Variants in CKMT2 observed in about 807,000 individuals in gnomAD.
CKMT2 encodes creatine kinase S-type, mitochondrial.
A neutral mutation model predicts 48.9 loss-of-function variants in CKMT2; 43 were observed. That is an observed-to-expected ratio of 0.88 (90% CI 0.69 to 1.13). CKMT2 has a LOEUF of 1.13. CKMT2 is among the 50% of genes most tolerant of loss of function. CKMT2 has a pLI of 0.00. For missense variants in CKMT2, 472 were observed against 555.4 expected, an observed-to-expected ratio of 0.85 and a Z score of 1.51; for synonymous variants, 206 against 213.0, an observed-to-expected ratio of 0.97 and a Z score of 0.29.
rs369470283 is a variant in CKMT2, at chr5:81,266,297, G to A, written c.*39G>A. 1.8e-4 allele frequency: 295 copies of A among 1,599,530 alleles called. No homozygotes were observed. Among genetic ancestry groups the A allele is most frequent in the Non-Finnish European group, 2.4e-4 (285 of 1,168,688 alleles). On this transcript the variant is annotated 3_prime_UTR_variant, in exon 10 of 10. Coordinates refer to ENST00000254035, the MANE Select transcript of CKMT2 (RefSeq NM_001099735.2). ...CAATTTATAAATAATCTGTCTGCTG[G>A]TACGACAGACATAAATCTCTACTCT...
At chr5:81,254,919 A>G in intron 4 of CKMT2, 74 bp from the exon 5 acceptor site, 1 of 1,267,750 alleles carries the variant, frequency 7.9e-7, no homozygotes, top group Non-Finnish European at 1.2e-6. Flanking sequence ...CAGATTGGCG[A>G]TTAGAACCCA....
intron 1 of CKMT2, among the ~76,000 whole-genome samples, chr5:81,240,604 G>A (rs1756402752): frequency 6.6e-6 from 1 of 152,160 alleles, no homozygotes. Flanking sequence ...TATTTGTATG[G>A]TAAACTATTG....
At chr5:81,255,905 AG>A (rs1388245000) in intron 5 of CKMT2, among the ~76,000 whole-genome samples, 1 of 151,898 alleles carries the variant, frequency 6.6e-6, no homozygotes, top group East Asian at 1.9e-4. Flanking sequence ...CAAACCAGAC[AG>A]GCCAACTATA....
intron 1 of CKMT2, among the ~76,000 whole-genome samples, chr5:81,243,159 A>G (rs1430164018): frequency 3.3e-5 from 5 of 152,212 alleles, no homozygotes; most frequent in Admixed American, 3.3e-4. Flanking sequence ...CCTTGGGAAG[A>G]CAATACAAAC....
At chr5:81,241,154 C>T (rs1756421475) in intron 1 of CKMT2, among the ~76,000 whole-genome samples, 1 of 152,278 alleles carries the variant, frequency 6.6e-6, no homozygotes, top group African/African-American at 2.4e-5. Context: ...CCCTTTGATG[C>T]GTGGAATTCC....
At chr5:81,250,508 A>G (rs936095741) in intron 1 of CKMT2, among the ~76,000 whole-genome samples, 1 of 152,190 alleles carries the variant, frequency 6.6e-6, no homozygotes, top group East Asian at 1.9e-4. Context: ...GCCTAAACTG[A>G]ATATAATTTC....
At chr5:81,260,531 C>G (rs1260967100) in intron 8 of CKMT2, among the ~76,000 whole-genome samples, 1 of 152,094 alleles carries the variant, frequency 6.6e-6, no homozygotes, top group Non-Finnish European at 1.5e-5. Context: ...GATAAAGGGG[C>G]TATCACCACT....
At chr5:81,242,201 A>T (rs2277035) in intron 1 of CKMT2, 107,483 of 239,014 alleles carry the variant, frequency 0.45, 25,470 homozygotes, top group African/African-American at 0.59. Context: ...ACCAGAACTG[A>T]GTGTCTCACT....
At chr5:81,259,320 GA>G in intron 8 of CKMT2, 66 bp downstream of exon 8, 1 of 1,426,640 alleles carries the variant, frequency 7.0e-7, no homozygotes. Context: ...CTTTGTGGAG[GA>G]AGAAAACATC....
intron 1 of CKMT2, among the ~76,000 whole-genome samples, chr5:81,245,917 C>T (rs1008191310): frequency 7.2e-5 from 11 of 152,172 alleles, no homozygotes; most frequent in African/African-American, 2.7e-4. Context: ...CAACTGTAGA[C>T]CAGAAATCTC....
rs1756172519 is a variant in CKMT2 at position 81,233,699 on chromosome 5, C to T, written c.-21+322C>T. 2.0e-5 allele frequency among the ~76,000 whole-genome samples: 3 copies of T among 152,130 alleles called. 1 individual carries two copies. The highest frequency in any genetic ancestry group is 7.2e-5 in the African/African-American group (3 of 41,438). On this transcript the variant is annotated intron_variant, in intron 1 of 9. Coordinates refer to ENST00000254035, the MANE Select transcript of CKMT2 (RefSeq NM_001099735.2). ...AAAAAATCTAAAGGCTGTATTTTGACGCTAAGTTTGGGACAACTTTAAACT... is the reference window on the plus strand; with the variant it reads ...AAAAAATCTAAAGGCTGTATTTTGATGCTAAGTTTGGGACAACTTTAAACT...
At chr5:81,263,399 C>T (rs1207528403) in intron 8 of CKMT2, 92 bp from the exon 9 acceptor site, 4 of 649,462 alleles carry the variant, frequency 6.2e-6, no homozygotes, top group African/African-American at 1.9e-5. Flanking sequence ...AAACTGTTAT[C>T]TCTCACTATA....
chr5:81,239,681 G>A (rs1044957910), intron 1 of CKMT2, among the ~76,000 whole-genome samples: 2 of 152,116 alleles, frequency 1.3e-5, no homozygotes, highest in East Asian at 1.9e-4. Context: ...AAACAACATC[G>A]TTGAATGGTC....
chr5:81,235,135 G>A (rs1756209632), intron 1 of CKMT2, among the ~76,000 whole-genome samples: 1 of 152,156 alleles, frequency 6.6e-6, no homozygotes, highest in Non-Finnish European at 1.5e-5. Context: ...TCTGGTAACG[G>A]TCCCATGCCT....
At position 81,233,450 on chromosome 5, in the gene CKMT2, T is replaced by TG. The variant is rs1756165811; in HGVS notation, c.-21+75dup. On this transcript the variant is annotated intron_variant, in intron 1 of 9. Transcript: ENST00000254035. ...TGGCTAGAGCCAGTGTGAAGGGCCT[T>TG]GGAGGAGTGGATGCCGGGCTGTAGA... 5.3e-6 allele frequency: 5 copies of TG among 949,816 alleles called. No individual in the cohort carries two copies. The South Asian group carries it at 2.4e-4, about 46-fold the overall frequency. The allele number at this position is 949,816 out of a possible 1,614,324, so 58.8% of individuals were successfully genotyped here.
chr5:81,235,246 GCCA>G (rs1756211841), intron 1 of CKMT2, among the ~76,000 whole-genome samples: 1 of 152,212 alleles, frequency 6.6e-6, no homozygotes, highest in Admixed American at 6.5e-5. Context: ...GAACAGTAAT[GCCA>G]AGAGTGCCCA....
intron 2 of CKMT2, 25 bp downstream of exon 2, chr5:81,251,309 A>G (rs886446804): frequency 6.2e-7 from 1 of 1,611,818 alleles, no homozygotes; most frequent in African/African-American, 1.3e-5. Context: ...CTTTAAAATA[A>G]CCTCAGGCCA....
chr5:81,266,350 T>C lies in CKMT2; in HGVS notation c.*92T>C, dbSNP rs1038389759. 3 of 1,259,012 alleles carry C rather than the reference T, an allele frequency of 2.4e-6. No homozygotes were observed. Among genetic ancestry groups the C allele is most frequent in the Non-Finnish European group, 1.1e-6 (1 of 894,766 alleles). 78.0% of individuals were successfully genotyped at this position (1,259,012 alleles called of 1,614,324 possible). The stretch of plus-strand genomic sequence containing the variant: ...GAGTTTTTATACACTTGGAAAAATA[T>C]AAAATTGTAGATCCTGCCTATCTTT... On this transcript the variant is annotated 3_prime_UTR_variant, in exon 10 of 10. Transcript: ENST00000254035.
intron 1 of CKMT2, among the ~76,000 whole-genome samples, chr5:81,249,641 CAT>C (rs1212253241): frequency 1.7e-4 from 22 of 130,658 alleles, no homozygotes; most frequent in African/African-American, 6.1e-4. Flanking sequence ...TAGATTTATA[CAT>C]GTTTTCTCCA....
Sources: allele counts gnomAD v4.1 joint callset (sites outside exome capture counted in the v4.1 genomes callset), GRCh38; gene constraint gnomAD v4.1.1; transcripts MANE v1.5; gene names NCBI Gene and HGNC (gene_info 2026-07-23, HGNC 2026-07-21).